Variants in C13orf42 observed in about 807,000 individuals in gnomAD.
C13orf42 encodes the protein uncharacterized protein C13orf42.
intron 1 of C13orf42, among the ~76,000 whole-genome samples, chr13:51,120,478 C>A (rs1953525976): frequency 6.6e-6 from 1 of 152,114 alleles, no homozygotes; most frequent in Non-Finnish European, 1.5e-5. Context: ...GTAGTGGGAG[C>A]TTTATAAATA....
upstream of C13orf42, among the ~76,000 whole-genome samples, chr13:51,115,057 G>A (rs1047501842): frequency 2.0e-5 from 3 of 151,900 alleles, no homozygotes; most frequent in Non-Finnish European, 4.4e-5. Context: ...CACTTAATAT[G>A]CATATTTGCT....
At chr13:51,121,160 T>C (rs1953532070) in intron 1 of C13orf42, among the ~76,000 whole-genome samples, 1 of 152,110 alleles carries the variant, frequency 6.6e-6, no homozygotes, top group African/African-American at 2.4e-5. Context: ...CCTCCTGCAC[T>C]CAGAAGGGCG....
At chr13:51,100,433 A>G (rs1953277128) in intron 1 of C13orf42, among the ~76,000 whole-genome samples, 1 of 152,194 alleles carries the variant, frequency 6.6e-6, no homozygotes, top group Non-Finnish European at 1.5e-5. Flanking sequence ...GTAACAAAAT[A>G]TAAGAAGAAG....
chr13:51,169,714 G>A (rs1953931543), intron 1 of C13orf42, among the ~76,000 whole-genome samples: 1 of 152,188 alleles, frequency 6.6e-6, no homozygotes, highest in African/African-American at 2.4e-5. Context: ...TCAGGCAGAG[G>A]GTGCCAGCCA....
chr13:51,143,185 T>A (rs184970006), intron 1 of C13orf42, among the ~76,000 whole-genome samples: 101 of 152,290 alleles, frequency 6.6e-4, no homozygotes, highest in Non-Finnish European at 1.4e-3. Context: ...TAAAGCCTCA[T>A]CTTCAGGCCC....
intron 1 of C13orf42, among the ~76,000 whole-genome samples, chr13:51,150,411 C>T (rs1366194078): frequency 6.6e-6 from 1 of 152,152 alleles, no homozygotes; most frequent in Admixed American, 6.5e-5. Flanking sequence ...AATGTAGTCC[C>T]TTAGGAAGTA....
intron 1 of C13orf42, among the ~76,000 whole-genome samples, chr13:51,132,657 G>A (rs955373240): frequency 6.6e-6 from 1 of 152,028 alleles, no homozygotes; most frequent in African/African-American, 2.4e-5. Flanking sequence ...TCATCCCTCT[G>A]CAACCCTTAG....
At chr13:51,143,033 A>T (rs971796405) in intron 1 of C13orf42, among the ~76,000 whole-genome samples, 1 of 152,190 alleles carries the variant, frequency 6.6e-6, no homozygotes, top group African/African-American at 2.4e-5. Context: ...AGATTAAAAA[A>T]TTTTTTAAAT....
chr13:51,138,710 T>C (rs1953675312), intron 1 of C13orf42, among the ~76,000 whole-genome samples: 1 of 152,136 alleles, frequency 6.6e-6, no homozygotes, highest in African/African-American at 2.4e-5. Context: ...AGGACAACCA[T>C]ACAATCCAGC....
chr13:51,135,682 A>G (rs1489880246), intron 1 of C13orf42, among the ~76,000 whole-genome samples: 1 of 151,950 alleles, frequency 6.6e-6, no homozygotes, highest in East Asian at 1.9e-4. Flanking sequence ...AAGAAAAAGA[A>G]AACTCCTCTA....
chr13:51,167,706 T>C (rs1953913230), intron 1 of C13orf42, among the ~76,000 whole-genome samples: 1 of 152,164 alleles, frequency 6.6e-6, no homozygotes, highest in African/African-American at 2.4e-5. Context: ...CAGGGCTCCA[T>C]TTATTTATTT....
upstream of C13orf42, among the ~76,000 whole-genome samples, chr13:51,113,563 ATT>A (rs1491167451): frequency 1.1e-5 from 1 of 91,474 alleles, no homozygotes; most frequent in Non-Finnish European, 2.2e-5. Flanking sequence ...TCCAAAGTGT[ATT>A]TTGTGTGTGT....
chr13:51,120,909 G>C (rs1435298412), intron 1 of C13orf42, among the ~76,000 whole-genome samples: 1 of 152,196 alleles, frequency 6.6e-6, no homozygotes, highest in African/African-American at 2.4e-5. Context: ...AGCTACTCGA[G>C]AGGCTGAGGC....
intron 1 of C13orf42, among the ~76,000 whole-genome samples, chr13:51,106,829 G>T (rs1195876876): frequency 6.6e-6 from 1 of 152,048 alleles, no homozygotes; most frequent in African/African-American, 2.4e-5. Flanking sequence ...TTATGCCCTG[G>T]GTTAGAAATT....
Position 51,111,085 on chromosome 13 carries a change from A to G in C13orf42, c.125T>C (p.Val42Ala). 2.5e-6 allele frequency: 1 copy of G among 398,470 alleles called. No individual in the cohort carries two copies. Among genetic ancestry groups the G allele is most frequent in the East Asian group, 3.6e-5 (1 of 28,060 alleles). 24.7% of individuals were successfully genotyped at this position (398,470 alleles called of 1,614,324 possible). The change falls in exon 1 of 4, where the codon GTC becomes GCC. Residue 42 changes from valine (V) to alanine (A), a missense_variant. Coordinates refer to ENST00000563710, the MANE Select transcript of C13orf42 (RefSeq NM_001351589.3). Reference protein sequence around the residue: ...KLIRSSSMYVVGDHGEKFSES... With the variant: ...KLIRSSSMYVAGDHGEKFSES... ...GCTGAATTTCTCCCCGTGGTCCCCG[A>G]CCACATACATGGAACTGCTTCGAAT...
intron 1 of C13orf42, among the ~76,000 whole-genome samples, chr13:51,166,456 G>A (rs1168950008): frequency 9.6e-6 from 1 of 103,798 alleles, no homozygotes; most frequent in Non-Finnish European, 2.0e-5. Context: ...GGTGGGGGGA[G>A]GGGGGAGGGA....
chr13:51,150,061 T>A (rs1953767492), intron 1 of C13orf42, among the ~76,000 whole-genome samples: 1 of 152,254 alleles, frequency 6.6e-6, no homozygotes, highest in African/African-American at 2.4e-5. Flanking sequence ...TCCGTAGATA[T>A]AAAACCAGTT....
chr13:51,125,838 T>C (rs909579587), intron 1 of C13orf42, among the ~76,000 whole-genome samples: 2 of 152,212 alleles, frequency 1.3e-5, no homozygotes, highest in African/African-American at 4.8e-5. Flanking sequence ...ATCAGGTCAT[T>C]AAATAAATGC....
chr13:51,119,945 C>G (rs1255128036), intron 1 of C13orf42, among the ~76,000 whole-genome samples: 1 of 151,116 alleles, frequency 6.6e-6, no homozygotes, highest in Non-Finnish European at 1.5e-5. Context: ...GAACTCCCGA[C>G]TCAAAGAGAT....
Sources: gnomAD v4.1 joint callset for allele counts (sites outside exome capture counted in the v4.1 genomes callset) on GRCh38, gnomAD v4.1.1 for gene constraint, MANE v1.5 for transcripts, NCBI Gene and HGNC (gene_info 2026-07-23, HGNC 2026-07-21) for gene names.